Variants in LRRTM4 observed in about 807,000 individuals in gnomAD.
The protein encoded by LRRTM4 is leucine rich repeat transmembrane neuronal 4.
In LRRTM4, 25 loss-of-function variants were observed where a neutral mutation model predicts 47.6. The ratio of observed to expected loss-of-function variants is 0.53; its 90% CI spans 0.38 to 0.73. The LOEUF (loss-of-function observed/expected upper bound fraction) is 0.73. Ranked by LOEUF, LRRTM4 falls within the 30% of genes least tolerant of loss-of-function variation. The pLI, the probability that LRRTM4 is intolerant of heterozygous loss-of-function variation, is 0.00. For missense variants in LRRTM4, 638 were observed against 713.4 expected (o/e 0.89, Z 1.20); for synonymous variants, 311 against 269.5 (o/e 1.15, Z -1.51).
At chr2:77,416,189 C>G (rs989248283) in intron 3 of LRRTM4, among the ~76,000 whole-genome samples, 1 of 152,016 alleles carries the variant, frequency 6.6e-6, no homozygotes, top group African/African-American at 2.4e-5. Context: ...AATAATATTT[C>G]TTTAATTTTG....
In LRRTM4 at chr2:76,852,716, TC is replaced by T. The variant is rs556267524; in HGVS notation, c.1552-103801del. ...GCAAATATGATAAGGCACTCTTAAC[TC>T]TTTCAGAACTCAAAGTGTGGAGTGA... is the stretch of plus-strand genomic sequence containing the variant. On this transcript the variant is annotated intron_variant, in intron 3 of 3. Coordinates refer to ENST00000409884, the MANE Select transcript of LRRTM4 (RefSeq NM_001134745.3). Among the ~76,000 whole-genome samples, 13 of 152,270 alleles carry T rather than the reference TC, an allele frequency of 8.5e-5. No individual in the cohort carries two copies. The East Asian group carries it at 2.5e-3, about 29-fold the overall frequency.
chr2:77,004,138 A>T (rs1445569015), intron 3 of LRRTM4, among the ~76,000 whole-genome samples: 1 of 152,248 alleles, frequency 6.6e-6, no homozygotes, highest in African/African-American at 2.4e-5. Flanking sequence ...GCAGTAGAAA[A>T]GAAAACCCCA....
intron 3 of LRRTM4, among the ~76,000 whole-genome samples, chr2:77,367,189 G>T (rs955050419): frequency 2.2e-4 from 34 of 151,408 alleles, no homozygotes; most frequent in African/African-American, 8.0e-4. Context: ...GCAGTTATTA[G>T]CTAAGAAGTT....
At chr2:77,435,241 C>A (rs1238483796) in intron 3 of LRRTM4, among the ~76,000 whole-genome samples, 1 of 152,112 alleles carries the variant, frequency 6.6e-6, no homozygotes, top group East Asian at 1.9e-4. Flanking sequence ...TTTCTTTACC[C>A]ACTGTCCTGA....
At chr2:77,318,861 G>C (rs991161711) in intron 3 of LRRTM4, among the ~76,000 whole-genome samples, 3 of 144,270 alleles carry the variant, frequency 2.1e-5, no homozygotes, top group Admixed American at 6.7e-5. Flanking sequence ...GAGTGTTGTA[G>C]ATTTTTTAAA....
At chr2:77,360,492 GATACGATA>G (rs1672155641) in intron 3 of LRRTM4, among the ~76,000 whole-genome samples, 1 of 141,378 alleles carries the variant, frequency 7.1e-6, no homozygotes, top group Non-Finnish European at 1.5e-5. Context: ...GATACGATAC[GATACGATA>G]CGATACGATA....
intron 3 of LRRTM4, among the ~76,000 whole-genome samples, chr2:77,301,934 G>A (rs1433853418): frequency 6.6e-6 from 1 of 152,014 alleles, no homozygotes; most frequent in Non-Finnish European, 1.5e-5. Flanking sequence ...ATATTGCCTA[G>A]CAACACTCGA....
At chr2:76,909,791 G>A (rs546831969) in intron 3 of LRRTM4, among the ~76,000 whole-genome samples, 23 of 152,218 alleles carry the variant, frequency 1.5e-4, no homozygotes, top group African/African-American at 3.4e-4. Flanking sequence ...CAAAACCACA[G>A]TGAGATATCA....
In LRRTM4 at chr2:77,411,598, C is replaced by G. The variant is rs1421960228; in HGVS notation, c.1551+106720G>C. Among the ~76,000 whole-genome samples, 8 of 148,894 alleles carry G rather than the reference C, an allele frequency of 5.4e-5. No homozygotes were observed. In the East Asian group the frequency reaches 1.2e-3, roughly 22 times the overall value. On this transcript the variant is annotated intron_variant, in intron 3 of 3. Transcript: ENST00000409884. The stretch of plus-strand genomic sequence containing the variant: ...CTCCTGAGTAGCTGAGACAACAGGC[C>G]CCCGCCACCATGCCCGGCTATTTTT...
chr2:77,289,787 C>T (rs113931699), intron 3 of LRRTM4, among the ~76,000 whole-genome samples: 3,476 of 151,976 alleles, frequency 0.023, 61 homozygotes, highest in Non-Finnish European at 0.034. Flanking sequence ...AAACTTCTGA[C>T]GTGAAATATT....
chr2:76,986,054 T>G (rs1479892626), intron 3 of LRRTM4: 1 of 152,026 alleles, frequency 6.6e-6, no homozygotes, highest in African/African-American at 2.4e-5. Flanking sequence ...TATCATGTGC[T>G]TTGCCATCTA....
rs771885433 is a variant in LRRTM4, at chr2:77,519,809, A to C, written c.60T>G (p.Pro20=). ...CCGTGAGCATAACAAGCAGCAGTGT[A>C]GGAAGTAGCACCAGCACCACACTCA... ...KGMSVVLVLL[P]TLLLVMLTGA... Residue 20 remains proline (P), a synonymous_variant, in exon 3 of 4, where the codon CCT becomes CCG. Transcript: ENST00000409884. The surrounding 1 kb of genome is among the most constrained non-coding windows in gnomAD (Gnocchi z 4.6). The C allele has an allele frequency of 1.9e-6, 3 of 1,612,960 alleles. No homozygotes were observed. The South Asian group carries it at 3.3e-5, about 18-fold the overall frequency.
chr2:77,166,555 A>C (rs1672891929), intron 3 of LRRTM4, among the ~76,000 whole-genome samples: 1 of 152,218 alleles, frequency 6.6e-6, no homozygotes, highest in Non-Finnish European at 1.5e-5. Context: ...ACTTCAAACT[A>C]TATTACAAGG....
intron 3 of LRRTM4, among the ~76,000 whole-genome samples, chr2:76,869,486 G>C (rs1672562793): frequency 6.6e-6 from 1 of 152,070 alleles, no homozygotes; most frequent in East Asian, 1.9e-4. Flanking sequence ...AAGTCTTATG[G>C]GACATTGTTT....
chr2:77,273,135 A>C (rs1294824809), intron 3 of LRRTM4, among the ~76,000 whole-genome samples: 1 of 152,146 alleles, frequency 6.6e-6, no homozygotes, highest in East Asian at 1.9e-4. Context: ...ACATCCATTA[A>C]AGTCAATATC....
chr2:76,959,991 T>C (rs931451838), intron 3 of LRRTM4, among the ~76,000 whole-genome samples: 1 of 151,124 alleles, frequency 6.6e-6, no homozygotes, highest in Non-Finnish European at 1.5e-5. Context: ...AAATGGAAAC[T>C]TGGCCAAACA....
intron 3 of LRRTM4, among the ~76,000 whole-genome samples, chr2:76,958,363 C>G (rs1251206636): frequency 6.6e-6 from 1 of 151,698 alleles, no homozygotes; most frequent in South Asian, 2.1e-4. Flanking sequence ...TTTTCCAACT[C>G]GAAGATAGAT....
chr2:76,833,605 A>G (rs889397784), intron 3 of LRRTM4, among the ~76,000 whole-genome samples: 2 of 151,876 alleles, frequency 1.3e-5, no homozygotes, highest in Non-Finnish European at 2.9e-5. Flanking sequence ...TAAATAATAT[A>G]ATAATATTGT....
chr2:76,761,187 G>T (rs1031631505), intron 3 of LRRTM4, among the ~76,000 whole-genome samples: 4 of 152,238 alleles, frequency 2.6e-5, no homozygotes, highest in African/African-American at 9.6e-5. Flanking sequence ...TGCCTGCCGG[G>T]AGATTGCTTG....
Sources: gnomAD v4.1 joint callset for allele counts (sites outside exome capture counted in the v4.1 genomes callset) on GRCh38, gnomAD v4.1.1 for gene constraint, Gnocchi (gnomAD v3.1) non-coding constraint, MANE v1.5 for transcripts, NCBI Gene and HGNC (gene_info 2026-07-23, HGNC 2026-07-21) for gene names.